The following GOLGB1 variants were observed in gnomAD, a reference collection of about 807,000 sequenced individuals.
The protein encoded by GOLGB1 is golgin subfamily B member 1.
GOLGB1 carries 174 observed loss-of-function variants against 336.9 expected under a neutral mutation model. That is an observed-to-expected ratio of 0.52 (90% CI 0.46 to 0.59). GOLGB1 has a LOEUF of 0.59. Ranked by LOEUF, GOLGB1 falls within the 20% of genes least tolerant of loss-of-function variation. The probability of loss-of-function intolerance (pLI) is 0.00; values close to 1 mark genes in which losing one functional copy is unlikely to be tolerated. For missense variants in GOLGB1, 3,331 were observed against 3,645.3 expected (o/e 0.91, Z 2.22); for synonymous variants, 1,208 against 1,289.2 (o/e 0.94, Z 1.35).
Position 121,693,779 on chromosome 3 carries a change from C to T in GOLGB1, c.6744G>A (p.Met2248Ile), listed in dbSNP as rs754956869. The change falls in exon 13 of 22, where the codon ATG (methionine) becomes ATA (isoleucine). Residue 2248 changes from methionine to isoleucine, a missense_variant. Met to Ile is a conservative substitution (Grantham distance 10). Transcript: ENST00000614479. The part of the protein sequence containing the change: ...CSVLKDQLRQ[M>I]SIHMEELKIN... ...TCTTTAATTCTTCCATATGGATGGA[C>T]ATCTGTCTAAGTTGATCCTTTAGAA... 4.3e-6 allele frequency: 7 copies of T among 1,609,610 alleles called. No homozygotes were observed. The highest frequency in any genetic ancestry group is 2.2e-5 in the South Asian group (2 of 90,722).
rs759786031 is a variant in GOLGB1, at chr3:121,729,935, A to G, written c.179T>C (p.Leu60Ser). 8.7e-6 allele frequency: 14 copies of G among 1,609,816 alleles called. No individual in the cohort carries two copies. The South Asian group carries it at 1.5e-4, about 18-fold the overall frequency. ...VQERLAYAEQ[L>S]VVELKDIIRQ... is the part of the protein sequence containing the mutation. The stretch of plus-strand genomic sequence containing the variant: ...AATAATATCTTTTAGCTCCACCACC[A>G]ATTGCTCTGCATAAGCCAGGCGCTC... The change falls in exon 3 of 22, where the codon TTG becomes TCG. Residue 60 changes from leucine (L) to serine (S), a missense_variant. Physicochemically the swap from Leu to Ser is moderately radical, Grantham distance 145. Coordinates refer to ENST00000614479, the MANE Select transcript of GOLGB1 (RefSeq NM_001366282.2).
At chr3:121,693,101 G>A (rs1942603309) in intron 13 of GOLGB1, among the ~76,000 whole-genome samples, 1 of 152,142 alleles carries the variant, frequency 6.6e-6, no homozygotes. Flanking sequence ...GAATTAATGT[G>A]GACTAAAGGA....
intron 15 of GOLGB1, 41 bp from the exon 16 acceptor site, chr3:121,677,491 GT>G: frequency 7.1e-7 from 1 of 1,404,948 alleles, no homozygotes; most frequent in Non-Finnish European, 1.0e-6. Context: ...AAATATACTT[GT>G]AACTGGGCAT....
chr3:121,747,339 GTA>G (rs200614522), intron 1 of GOLGB1, among the ~76,000 whole-genome samples: 13,668 of 137,244 alleles, frequency 0.1, 728 homozygotes, highest in South Asian at 0.16. Flanking sequence ...ACGTATATAT[GTA>G]TATATATGTG....
chr3:121,693,470 A>C (rs751746686), intron 13 of GOLGB1, among the ~76,000 whole-genome samples: 18 of 152,172 alleles, frequency 1.2e-4, no homozygotes, highest in Non-Finnish European at 2.2e-4. Context: ...CCTGGGTGAC[A>C]AGAGCAAGAC....
chr3:121,747,367 AC>A (rs1261669137), intron 1 of GOLGB1, among the ~76,000 whole-genome samples: 1 of 145,304 alleles, frequency 6.9e-6, no homozygotes, highest in Non-Finnish European at 1.5e-5. Flanking sequence ...ACGTATATAT[AC>A]GTATATGTCT....
chr3:121,729,714 C>T (rs1945940373), intron 3 of GOLGB1, 151 bp downstream of exon 3: 1 of 601,506 alleles, frequency 1.7e-6, no homozygotes, highest in Non-Finnish European at 2.8e-6. Context: ...ACCACACCGA[C>T]CCAAAAGTTA....
intron 17 of GOLGB1, among the ~76,000 whole-genome samples, chr3:121,671,310 T>TA (rs1939499864): frequency 1.3e-5 from 2 of 152,214 alleles, no homozygotes; most frequent in African/African-American, 4.8e-5. Context: ...AGCACATTCT[T>TA]ACATTACATA....
chr3:121,702,702 G>GA (rs1943507762), intron 10 of GOLGB1, 107 bp from the exon 11 acceptor site: 1 of 427,178 alleles, frequency 2.3e-6, no homozygotes, highest in Admixed American at 4.1e-5. Flanking sequence ...CTCCAGCCAT[G>GA]AAAATACTTT....
At chr3:121,677,776 G>T (rs2107640321) in intron 15 of GOLGB1, among the ~76,000 whole-genome samples, 1 of 152,318 alleles carries the variant, frequency 6.6e-6, no homozygotes, top group South Asian at 2.1e-4. Flanking sequence ...GCTCTTCTTA[G>T]GTTTACACTA....
rs762353798 is a variant in GOLGB1, at chr3:121,729,228, A to C, written c.362T>G (p.Val121Gly). The C allele has an allele frequency of 6.2e-7, 1 of 1,613,064 alleles. No individual in the cohort carries two copies. Among genetic ancestry groups the C allele is most frequent in the African/African-American group, 1.3e-5 (1 of 74,874 alleles). The change falls in exon 4 of 22, where the codon GTT (valine) becomes GGT (glycine). Residue 121 changes from valine (V) to glycine (G), a missense_variant. Val to Gly is a moderately radical substitution (Grantham distance 109, BLOSUM62 -3). Transcript: ENST00000614479. Reference protein sequence around the residue: ...IEEMKAQGGTVLPTEPQSEEQ... With the variant: ...IEEMKAQGGTGLPTEPQSEEQ... ...CTCTGACTGAGGTTCTGTAGGCAGA[A>C]CAGTCCCTCCTTGTGCTTTCATTTC... is the stretch of plus-strand genomic sequence containing the variant.
At chr3:121,690,299 A>G (rs1246652724) in intron 14 of GOLGB1, among the ~76,000 whole-genome samples, 1 of 152,202 alleles carries the variant, frequency 6.6e-6, no homozygotes, top group Non-Finnish European at 1.5e-5. Flanking sequence ...CTTCACTGTA[A>G]GAAGGCACTA....
intron 8 of GOLGB1, 74 bp from the exon 9 acceptor site, chr3:121,717,213 TCTTATAG>T: frequency 8.3e-7 from 1 of 1,200,272 alleles, no homozygotes; most frequent in Non-Finnish European, 1.2e-6. Flanking sequence ...AAGTGCTTTT[TCTTATAG>T]GATGGAAAAA....
rs771507120 is a variant in GOLGB1, at chr3:121,730,029, G to T, written c.97-12C>A. 6 of 1,594,776 alleles carry T rather than the reference G, an allele frequency of 3.8e-6. No homozygotes were observed. Among genetic ancestry groups the T allele is most frequent in the Admixed American group, 3.5e-5 (2 of 56,380 alleles). On this transcript the variant is annotated splice_polypyrimidine_tract_variant and intron_variant, in intron 2 of 21. Transcript: ENST00000614479. ...TCTTGGTGTAATTCCTAATATTTAG[G>T]AAAAAAGTTGCCAGTGCACCAGGAA... is the stretch of plus-strand genomic sequence containing the variant.
chr3:121,675,076 T>G (rs189422373), intron 17 of GOLGB1, among the ~76,000 whole-genome samples: 6,512 of 151,766 alleles, frequency 0.043, 207 homozygotes, highest in Non-Finnish European at 0.066. Flanking sequence ...GACCTCATGA[T>G]CCACCCGCCT....
intron 10 of GOLGB1, among the ~76,000 whole-genome samples, chr3:121,708,497 G>C (rs1490588097): frequency 6.6e-6 from 1 of 151,966 alleles, no homozygotes; most frequent in African/African-American, 2.4e-5. Flanking sequence ...GCCAGGCATG[G>C]TGGCACATGC....
At position 121,692,266 on chromosome 3, in the gene GOLGB1, A is replaced by C; in HGVS notation, c.7098T>G (p.Thr2366=). The change falls in exon 14 of 22, where the codon ACT becomes ACG. Residue 2366 remains threonine, a synonymous_variant. Coordinates refer to ENST00000614479, the MANE Select transcript of GOLGB1 (RefSeq NM_001366282.2). ...NSKFSYEQLE[T]DLQASRELTS... ...TCAGTTCTCTGGAGGCCTGAAGATC[A>C]GTCTCCAGTTGTTCATAACTGAACT... The C allele has an allele frequency of 6.2e-7, 1 of 1,607,486 alleles. No individual in the cohort carries two copies.
Position 121,722,377 on chromosome 3 carries a change from C to T in GOLGB1, c.533G>A (p.Ser178Asn). Residue 178 changes from serine (S) to asparagine (N), a missense_variant and splice_region_variant, in exon 6 of 22, where the codon AGT becomes AAT. Coordinates refer to ENST00000614479, the MANE Select transcript of GOLGB1 (RefSeq NM_001366282.2). The part of the protein sequence containing the change: ...TQAQAEQPAQ[S>N]STEMEEFVMM... ...TACAAATTCTTCCATCTCTGTAGAA[C>T]TCTTATCAAACCGAAGACATAGAAG... 6.5e-7 allele frequency: 1 copy of T among 1,542,244 alleles called. No individual in the cohort carries two copies.
At chr3:121,665,470 A>G (rs144946853) in intron 20 of GOLGB1, among the ~76,000 whole-genome samples, 1 of 152,230 alleles carries the variant, frequency 6.6e-6, no homozygotes, top group East Asian at 1.9e-4. Context: ...ACTTGGAGAA[A>G]CTCATTACAT....
Sources: allele counts gnomAD v4.1 joint callset (sites outside exome capture counted in the v4.1 genomes callset), GRCh38; gene constraint gnomAD v4.1.1; transcripts MANE v1.5; gene names NCBI Gene and HGNC (gene_info 2026-07-23, HGNC 2026-07-21).